The following PLXND1 variants were observed in gnomAD, a reference collection of about 807,000 sequenced individuals.
PLXND1 encodes the protein plexin D1.
In PLXND1, 54 loss-of-function variants were observed where a neutral mutation model predicts 197.7. That is an observed-to-expected ratio of 0.27 (90% confidence interval 0.22 to 0.34). PLXND1 has a LOEUF of 0.34. Among genes scored for constraint, PLXND1 ranks in the 10% least tolerant of loss-of-function variants. PLXND1 has a pLI of 1.00. For missense variants in PLXND1, 2,127 were observed against 2,699.2 expected (o/e 0.79, Z 4.70); for synonymous variants, 1,180 against 1,161.2 (o/e 1.02, Z -0.33).
Position 129,565,756 on chromosome 3 carries a change from C to T in PLXND1, c.4322+131G>A, listed in dbSNP as rs2085130551. On this transcript the variant is annotated intron_variant, in intron 24 of 35. Transcript: ENST00000324093. ...GTGCCCCGTGAGCCAAGGTCTTGGG[C>T]ATCCCGGCCCAGGAAGGGCTGGAAT... 3 of 1,040,184 alleles carry T rather than the reference C, an allele frequency of 2.9e-6. No individual in the cohort carries two copies. The African/African-American group carries it at 4.8e-5, about 17-fold the overall frequency. The allele number at this position is 1,040,184 out of a possible 1,614,324, so 64.4% of individuals were successfully genotyped here.
At chr3:129,581,312 C>T (rs904393699) in intron 8 of PLXND1, among the ~76,000 whole-genome samples, 2 of 152,208 alleles carry the variant, frequency 1.3e-5, no homozygotes, top group Admixed American at 6.5e-5. Flanking sequence ...AATTCTCAGA[C>T]AGGCTTCCTC....
At position 129,571,790 on chromosome 3, in the gene PLXND1, C is replaced by G; in HGVS notation, c.3132G>C (p.Pro1044=). The part of the protein sequence containing the change: ...CTMPEGALPA[P]VPVCVRFERR... ...GCTCGAAGCGCACACACACAGGCAC[C>G]GGAGCCGGCAGGGCCCCCTCAGGCA... The change falls in exon 16 of 36, where the codon CCG becomes CCC. Residue 1044 remains proline, a synonymous_variant. Transcript: ENST00000324093. 1 of 1,613,174 alleles carries G rather than the reference C, an allele frequency of 6.2e-7. No individual in the cohort carries two copies. Among genetic ancestry groups the G allele is most frequent in the Non-Finnish European group, 8.5e-7 (1 of 1,179,888 alleles).
At position 129,575,476 on chromosome 3, in the gene PLXND1, G is replaced by A; in HGVS notation, c.2523C>T (p.Pro841=). Residue 841 remains proline (P), a synonymous_variant, in exon 11 of 36, where the codon CCC becomes CCT. Transcript: ENST00000324093. The part of the protein sequence containing the change: ...RPARFLDSPE[P]MTVMVYNCAM... ...GCGGGTGGGGGTGCCCACCTGTCATGGGCTCAGGGCTGTCCAGGAATCGGG... is the reference window on the plus strand; with the variant it reads ...GCGGGTGGGGGTGCCCACCTGTCATAGGCTCAGGGCTGTCCAGGAATCGGG... The A allele has an allele frequency of 6.4e-7, 1 of 1,551,126 alleles. No homozygotes were observed. The highest frequency in any genetic ancestry group is 8.7e-7 in the Non-Finnish European group (1 of 1,146,160).
chr3:129,572,538 TCCAGCCCG>T, intron 15 of PLXND1, 63 bp downstream of exon 15: 1 of 1,352,226 alleles, frequency 7.4e-7, no homozygotes, highest in Non-Finnish European at 9.8e-7. Context: ...GGATGTCACC[TCCAGCCCG>T]CCAGCCCCCA....
chr3:129,577,299 G>T lies in PLXND1; in HGVS notation c.2346+1030C>A, dbSNP rs2085326501. ...CAGGCGCCCCTGCAGCTCGGTCAGA[G>T]TGGAGGCTGCCCCACCACACAGCTG... On this transcript the variant is annotated intron_variant, in intron 9 of 35. Transcript: ENST00000324093. This position sits in a 1 kb window ranked among gnomAD's most constrained non-coding sequence, Gnocchi z 5.0. 6.6e-6 allele frequency among the ~76,000 whole-genome samples: 1 copy of T among 152,218 alleles called. No individual in the cohort carries two copies. Among genetic ancestry groups the T allele is most frequent in the South Asian group, 2.1e-4 (1 of 4,836 alleles).
intron 20 of PLXND1, among the ~76,000 whole-genome samples, chr3:129,568,335 TAATATA>T: frequency 6.6e-6 from 1 of 152,256 alleles, no homozygotes; most frequent in African/African-American, 2.4e-5. Context: ...AAATATCTAT[TAATATA>T]TAGTATTTTC....
At chr3:129,582,874 C>G (rs1018517205) in intron 8 of PLXND1, among the ~76,000 whole-genome samples, 11 of 152,220 alleles carry the variant, frequency 7.2e-5, no homozygotes, top group African/African-American at 2.7e-4. Context: ...GCAGGCCTGG[C>G]CCCTGACAAG....
intron 25 of PLXND1, among the ~76,000 whole-genome samples, chr3:129,564,004 T>G (rs924654898): frequency 6.6e-6 from 1 of 152,244 alleles, no homozygotes; most frequent in Non-Finnish European, 1.5e-5. Flanking sequence ...CCCTGCTTCC[T>G]AGAGGAGGAA....
intron 3 of PLXND1, 111 bp downstream of exon 3, chr3:129,586,477 G>A (rs1045081610): frequency 2.3e-6 from 3 of 1,317,082 alleles, no homozygotes; most frequent in Admixed American, 2.0e-5. Context: ...GCAGATAAGG[G>A]AGATGGAGGA....
chr3:129,593,221 C>T (rs1286785548), intron 1 of PLXND1, among the ~76,000 whole-genome samples: 3 of 152,236 alleles, frequency 2.0e-5, no homozygotes, highest in South Asian at 2.1e-4. Flanking sequence ...TCAAGGCCTT[C>T]GTGCCCCAGC....
chr3:129,555,470 C>A lies in PLXND1; in HGVS notation c.*842G>T, dbSNP rs1439026674. On this transcript the variant is annotated 3_prime_UTR_variant, in exon 36 of 36. Transcript: ENST00000324093. Reference sequence around the variant, plus strand: ...GTGTTGCATGGGGAGCCTCTCGGGACCCCTCCCCGGGTCCTCTGCGCAAGC... The same window carrying A: ...GTGTTGCATGGGGAGCCTCTCGGGAACCCTCCCCGGGTCCTCTGCGCAAGC... 6 of 679,420 alleles carry A rather than the reference C, an allele frequency of 8.8e-6. No individual in the cohort carries two copies. Among genetic ancestry groups the A allele is most frequent in the Non-Finnish European group, 1.3e-5 (5 of 379,138 alleles). 42.1% of individuals were successfully genotyped at this position (679,420 alleles called of 1,614,324 possible). A position where few individuals can be genotyped will look rare whatever the true frequency, so the allele number is the denominator to read the frequency against.
At chr3:129,585,434 C>G (rs545141146) in intron 5 of PLXND1, among the ~76,000 whole-genome samples, 1 of 152,214 alleles carries the variant, frequency 6.6e-6, no homozygotes, top group Non-Finnish European at 1.5e-5. Context: ...TGGCACAAGC[C>G]GGGGGAGACC....
At chr3:129,587,462 A>C (rs2085478530) in intron 2 of PLXND1, among the ~76,000 whole-genome samples, 1 of 152,174 alleles carries the variant, frequency 6.6e-6, no homozygotes, top group Non-Finnish European at 1.5e-5. Context: ...CCTGAGGATG[A>C]CAATACCGGT....
chr3:129,560,661 TC>T, intron 30 of PLXND1, 27 bp downstream of exon 30: 4 of 1,568,828 alleles, frequency 2.5e-6, no homozygotes, highest in Non-Finnish European at 3.5e-6. Context: ...AGGGGCTGGA[TC>T]CCCCGGGGCC....
At chr3:129,565,267 G>T in intron 25 of PLXND1, 73 bp downstream of exon 25, 1 of 1,310,884 alleles carries the variant, frequency 7.6e-7, no homozygotes, top group Non-Finnish European at 1.1e-6. Flanking sequence ...GGCCTGGGAG[G>T]CCGTGGGGTC....
chr3:129,575,457 G>C lies in PLXND1; in HGVS notation c.2530+12C>G. ...GGCCCCGAGGCCATGTGGGGCGGGTGGGGGTGCCCACCTGTCATGGGCTCA... is the reference window on the plus strand; with the variant it reads ...GGCCCCGAGGCCATGTGGGGCGGGTCGGGGTGCCCACCTGTCATGGGCTCA... On this transcript the variant is annotated intron_variant, in intron 11 of 35. Coordinates refer to ENST00000324093, the MANE Select transcript of PLXND1 (RefSeq NM_015103.3). The C allele has an allele frequency of 6.5e-7, 1 of 1,528,710 alleles. No homozygotes were observed. The highest frequency in any genetic ancestry group is 8.9e-7 in the Non-Finnish European group (1 of 1,126,296). 94.7% of individuals were successfully genotyped at this position (1,528,710 alleles called of 1,614,324 possible).
In PLXND1 at chr3:129,573,709, G is replaced by GGGTC; in HGVS notation, c.2718_2721dup (p.Leu908AspfsTer16). ...AGGTTCCTTCCTCGGATGGTCAGCA[G>GGGTC]GGTCCCACCGTCCAACGGGCCACTC... On this transcript the variant is annotated frameshift_variant, in exon 13 of 36. Transcript: ENST00000324093. LOFTEE classifies it high-confidence loss of function. 1 of 1,613,730 alleles carries GGGTC rather than the reference G, an allele frequency of 6.2e-7. No homozygotes were observed. The highest frequency in any genetic ancestry group is 8.5e-7 in the Non-Finnish European group (1 of 1,180,022).
intron 8 of PLXND1, among the ~76,000 whole-genome samples, chr3:129,580,360 C>T (rs1305987671): frequency 2.0e-5 from 3 of 152,294 alleles, no homozygotes; most frequent in South Asian, 2.1e-4. Context: ...ACGGAGTCAG[C>T]GGCGGGCCCC....
chr3:129,583,848 A>C (rs939966243), intron 7 of PLXND1, among the ~76,000 whole-genome samples, 179 bp from the exon 8 acceptor site: 1 of 152,232 alleles, frequency 6.6e-6, no homozygotes. Flanking sequence ...AGAGGTATAC[A>C]AATAGGAGTT....
Sources: gnomAD v4.1 joint callset for allele counts (sites outside exome capture counted in the v4.1 genomes callset) on GRCh38, gnomAD v4.1.1 for gene constraint, Gnocchi (gnomAD v3.1) non-coding constraint, MANE v1.5 for transcripts, NCBI Gene and HGNC (gene_info 2026-07-23, HGNC 2026-07-21) for gene names.